Variants in C16orf78 observed in about 807,000 individuals in gnomAD.
The protein encoded by C16orf78 is uncharacterized protein C16orf78.
C16orf78 carries 19 observed loss-of-function variants against 27.3 expected under a neutral mutation model. The observed-to-expected ratio is 0.70, with a 90% CI of 0.49 to 1.02. The LOEUF (loss-of-function observed/expected upper bound fraction) is 1.02. C16orf78 is among the 50% of genes least tolerant of loss of function. The probability of loss-of-function intolerance (pLI) is 0.00; values close to 1 mark genes in which losing one functional copy is unlikely to be tolerated. For synonymous variants in C16orf78, 130 were observed against 116.1 expected, an observed-to-expected ratio of 1.12 and a Z score of -0.77; for missense variants, 339 against 337.0, an observed-to-expected ratio of 1.01 and a Z score of -0.05.
At chr16:49,374,773 C>T (rs1284399885) in intron 1 of C16orf78, among the ~76,000 whole-genome samples, 1 of 152,192 alleles carries the variant, frequency 6.6e-6, no homozygotes, top group African/African-American at 2.4e-5. Context: ...CTAGTTCTAA[C>T]CCACCCTTTC....
At position 49,399,281 on chromosome 16, in the gene C16orf78, A is replaced by T; in HGVS notation, c.*3A>T. On this transcript the variant is annotated 3_prime_UTR_variant, in exon 5 of 5. Coordinates refer to ENST00000299191, the MANE Select transcript of C16orf78 (RefSeq NM_144602.4). Reference sequence around the variant, plus strand: ...GAATACCCAGCATGGCCCTCTAAATAGCTCCTCTCGCCACCACCTTCAGGC... The same window carrying T: ...GAATACCCAGCATGGCCCTCTAAATTGCTCCTCTCGCCACCACCTTCAGGC... The T allele has an allele frequency of 1.9e-6, 3 of 1,613,822 alleles. No homozygotes were observed. Among genetic ancestry groups the T allele is most frequent in the Non-Finnish European group, 2.5e-6 (3 of 1,179,886 alleles).
intron 3 of C16orf78, among the ~76,000 whole-genome samples, chr16:49,389,605 T>C (rs1216146643): frequency 6.6e-6 from 1 of 152,040 alleles, no homozygotes; most frequent in Non-Finnish European, 1.5e-5. Flanking sequence ...TAAAAAGTAA[T>C]AATAATAATT....
intron 3 of C16orf78, among the ~76,000 whole-genome samples, chr16:49,384,088 C>A (rs1596924136): frequency 6.6e-6 from 1 of 152,230 alleles, no homozygotes; most frequent in East Asian, 1.9e-4. Context: ...GTGGCTCACA[C>A]CTTTAATACC....
In C16orf78 at chr16:49,378,598, G is replaced by C; in HGVS notation, c.394+5G>C. 6.2e-7 allele frequency: 1 copy of C among 1,613,762 alleles called. No individual in the cohort carries two copies. The highest frequency in any genetic ancestry group is 8.5e-7 in the Non-Finnish European group (1 of 1,179,906). On this transcript the variant is annotated splice_donor_5th_base_variant and intron_variant, in intron 3 of 4. Coordinates refer to ENST00000299191, the MANE Select transcript of C16orf78 (RefSeq NM_144602.4). ...AGGATGGCCCCAAGAAATCTGGTAA[G>C]GGAAAAACCTTGGCCCCGGCCACCA...
At chr16:49,375,163 A>G (rs1965198558) in intron 1 of C16orf78, among the ~76,000 whole-genome samples, 2 of 152,176 alleles carry the variant, frequency 1.3e-5, no homozygotes, top group Non-Finnish European at 2.9e-5. Flanking sequence ...GGGCAGAGCC[A>G]GGGCTCAAAC....
intron 3 of C16orf78, among the ~76,000 whole-genome samples, chr16:49,384,482 T>A (rs952447208): frequency 6.6e-6 from 1 of 151,504 alleles, no homozygotes; most frequent in Non-Finnish European, 1.5e-5. Flanking sequence ...TAAAGACATG[T>A]CATTTGAAAT....
chr16:49,397,051 G>A (rs1014955953), intron 4 of C16orf78, among the ~76,000 whole-genome samples: 1 of 152,224 alleles, frequency 6.6e-6, no homozygotes, highest in African/African-American at 2.4e-5. Context: ...TGAGTTGCTG[G>A]TGATGGTAGC....
At chr16:49,398,268 C>T (rs2151617297) in intron 4 of C16orf78, among the ~76,000 whole-genome samples, 1 of 152,256 alleles carries the variant, frequency 6.6e-6, no homozygotes, top group South Asian at 2.1e-4. Context: ...AGCTCCTCTC[C>T]CATAGTCTGT....
At chr16:49,398,166 T>G (rs1387491156) in intron 4 of C16orf78, among the ~76,000 whole-genome samples, 1 of 152,190 alleles carries the variant, frequency 6.6e-6, no homozygotes, top group Non-Finnish European at 1.5e-5. Context: ...TGAGGGGGTC[T>G]GAGCTGGCCA....
At chr16:49,384,480 T>C (rs1174090376) in intron 3 of C16orf78, among the ~76,000 whole-genome samples, 1 of 150,648 alleles carries the variant, frequency 6.6e-6, no homozygotes, top group Non-Finnish European at 1.5e-5. Context: ...TTTAAAGACA[T>C]GTCATTTGAA....
chr16:49,381,193 G>T (rs1965282369), intron 3 of C16orf78, among the ~76,000 whole-genome samples: 1 of 152,160 alleles, frequency 6.6e-6, no homozygotes, highest in Middle Eastern at 3.2e-3. Context: ...GCTTGATGGG[G>T]ATGGCATTGA....
Position 49,378,489 on chromosome 16 carries a change from G to A in C16orf78, c.290G>A (p.Arg97Lys). The A allele has an allele frequency of 6.3e-7, 1 of 1,591,684 alleles. No homozygotes were observed. The highest frequency in any genetic ancestry group is 8.6e-7 in the Non-Finnish European group (1 of 1,168,224). Residue 97 changes from arginine to lysine, a missense_variant, in exon 3 of 5, where the codon AGG becomes AAG. Physicochemically the swap from Arg to Lys is conservative, Grantham distance 26. Coordinates refer to ENST00000299191, the MANE Select transcript of C16orf78 (RefSeq NM_144602.4). ...TCCAAGGCCTTAGGAAAGAGATTCA[G>A]GAAGGACGCCGCCTCCTACCGAAGC... The part of the protein sequence containing the change: ...TSQQALGKRF[R>K]KDAASYRSLY...
rs867298517 is a variant in C16orf78 at position 49,389,439 on chromosome 16, T to A, written c.395-6984T>A. Among the ~76,000 whole-genome samples, 572 of 135,368 alleles carry A rather than the reference T, an allele frequency of 4.2e-3. 4 individuals carry two copies. The highest frequency in any genetic ancestry group is 0.017 in the African/African-American group (546 of 33,058). 88.8% of individuals were successfully genotyped at this position (135,368 alleles called of 152,430 possible). A position where few individuals can be genotyped will look rare whatever the true frequency, so the allele number is the denominator to read the frequency against. On this transcript the variant is annotated intron_variant, in intron 3 of 4. Transcript: ENST00000299191. ...AGACTCCATCTCAAAAAAAAAAAAA[T>A]ACAAAAATTAGCCAAGCGTGGTGAC...
chr16:49,388,728 G>A (rs1965378127), intron 3 of C16orf78, among the ~76,000 whole-genome samples: 2 of 152,106 alleles, frequency 1.3e-5, no homozygotes, highest in African/African-American at 4.8e-5. Flanking sequence ...TATCCAGGCT[G>A]GTCTTAAACT....
chr16:49,399,417 T>A lies in C16orf78; in HGVS notation c.*139T>A. The A allele has an allele frequency of 9.6e-7, 1 of 1,039,632 alleles. No individual in the cohort carries two copies. Among genetic ancestry groups the A allele is most frequent in the Non-Finnish European group, 1.4e-6 (1 of 727,306 alleles). The allele number at this position is 1,039,632 out of a possible 1,614,324, so 64.4% of individuals were successfully genotyped here. A position where few individuals can be genotyped will look rare whatever the true frequency, so the allele number is the denominator to read the frequency against. On this transcript the variant is annotated 3_prime_UTR_variant, in exon 5 of 5. Transcript: ENST00000299191. Reference sequence around the variant, plus strand: ...AAAGTAAGCAATCAGAAAACAAGCCTCGGCTGTGTGATCATTGTGCTTCCG... The same window carrying A: ...AAAGTAAGCAATCAGAAAACAAGCCACGGCTGTGTGATCATTGTGCTTCCG...
intron 1 of C16orf78, among the ~76,000 whole-genome samples, chr16:49,375,825 G>A (rs1005876026): frequency 1.3e-5 from 2 of 152,138 alleles, no homozygotes; most frequent in Non-Finnish European, 2.9e-5. Context: ...TGACTTCTGG[G>A]TCTCTCCAAA....
chr16:49,377,591 C>G (rs909033516), intron 1 of C16orf78, 140 bp from the exon 2 acceptor site: 1 of 1,109,944 alleles, frequency 9.0e-7, no homozygotes, highest in Non-Finnish European at 1.3e-6. Flanking sequence ...GGAACAGTGA[C>G]GACAGGCCCT....
At chr16:49,382,957 CT>C (rs1219851718) in intron 3 of C16orf78, among the ~76,000 whole-genome samples, 1 of 152,210 alleles carries the variant, frequency 6.6e-6, no homozygotes, top group Non-Finnish European at 1.5e-5. Context: ...CCCATACCAG[CT>C]GATTAAATAA....
chr16:49,392,616 G>T (rs1354545916), intron 3 of C16orf78, among the ~76,000 whole-genome samples: 1 of 152,194 alleles, frequency 6.6e-6, no homozygotes, highest in Non-Finnish European at 1.5e-5. Flanking sequence ...TAGGTAAATA[G>T]TAGGTAAATA....
Sources: gnomAD v4.1 joint callset for allele counts (sites outside exome capture counted in the v4.1 genomes callset) on GRCh38, gnomAD v4.1.1 for gene constraint, MANE v1.5 for transcripts, NCBI Gene and HGNC (gene_info 2026-07-23, HGNC 2026-07-21) for gene names.